Variants in NUP98 observed in about 807,000 individuals in gnomAD.
NUP98 encodes the protein nucleoporin 98 and 96 precursor.
In NUP98, 26 loss-of-function variants were observed where a neutral mutation model predicts 191.9. The observed-to-expected ratio is 0.14, with a 90% CI of 0.10 to 0.19. The LOEUF is 0.19. Ranked by LOEUF, NUP98 falls within the 10% of genes least tolerant of loss-of-function variation. The pLI is 1.00. For synonymous variants in NUP98, 808 were observed against 778.4 expected, an observed-to-expected ratio of 1.04 and a Z score of -0.63; for missense variants, 1,941 against 2,178.8, an observed-to-expected ratio of 0.89 and a Z score of 2.17.
chr11:3,709,575 T>C (rs1482420476), intron 20 of NUP98, among the ~76,000 whole-genome samples: 1 of 151,126 alleles, frequency 6.6e-6, no homozygotes, highest in Non-Finnish European at 1.5e-5. Context: ...CATGATGGCA[T>C]GCACCTGCAG....
rs1046304307 is a variant in NUP98 at position 3,679,498 on chromosome 11, A to G, written c.5073+56T>C. 7 of 1,600,186 alleles carry G rather than the reference A, an allele frequency of 4.4e-6. No homozygotes were observed. In the African/African-American group the frequency reaches 9.4e-5, roughly 21 times the overall value. On this transcript the variant is annotated intron_variant, in intron 31 of 32. Transcript: ENST00000324932. The stretch of plus-strand genomic sequence containing the variant: ...TACTAAGGCCTTGTGAGGTATCTGA[A>G]GATTTAAGGGCCTGAGAAAAGGAAA...
At chr11:3,698,675 C>T (rs757696869) in intron 25 of NUP98, among the ~76,000 whole-genome samples, 1 of 139,536 alleles carries the variant, frequency 7.2e-6, no homozygotes, top group Non-Finnish European at 1.5e-5. Flanking sequence ...TGCAGTGAGC[C>T]GAGATCGCAC....
intron 8 of NUP98, among the ~76,000 whole-genome samples, 190 bp from the exon 9 acceptor site, chr11:3,763,229 C>T (rs544336859): frequency 6.6e-6 from 1 of 152,066 alleles, no homozygotes; most frequent in African/African-American, 2.4e-5. Flanking sequence ...AAGCTCAGAG[C>T]ATTTTAAAAC....
chr11:3,735,748 A>AGTGTGTGTGTGTGTGTGT (rs71041385), intron 12 of NUP98, among the ~76,000 whole-genome samples: 5 of 140,874 alleles, frequency 3.5e-5, no homozygotes, highest in African/African-American at 1.3e-4. Flanking sequence ...CAGGGCAAGT[A>AGTGTGTGTGTGTGTGTGT]GTGTGTGTGT....
At chr11:3,723,495 A>G (rs1274006414) in intron 15 of NUP98, 40 bp from the exon 16 acceptor site, 1 of 1,548,654 alleles carries the variant, frequency 6.5e-7, no homozygotes, top group Non-Finnish European at 8.9e-7. Context: ...CTCTTGTAGT[A>G]GTAATAACAA....
chr11:3,717,780 C>T (rs2079238671), intron 18 of NUP98, among the ~76,000 whole-genome samples: 1 of 152,046 alleles, frequency 6.6e-6, no homozygotes, highest in Non-Finnish European at 1.5e-5. Flanking sequence ...TATTTGAGTG[C>T]CTTTATTATG....
intron 20 of NUP98, chr11:3,711,679 A>G (rs893659005): frequency 1.4e-5 from 3 of 220,528 alleles, no homozygotes; most frequent in Non-Finnish European, 2.5e-5. Flanking sequence ...AACCAAGTCT[A>G]TAGCATTTCA....
intron 1 of NUP98, among the ~76,000 whole-genome samples, chr11:3,786,575 AT>A (rs1394697510): frequency 6.6e-6 from 1 of 152,164 alleles, no homozygotes; most frequent in African/African-American, 2.4e-5. Flanking sequence ...AAATCTCCTA[AT>A]TAATAATTCA....
At chr11:3,766,251 T>C (rs2081335631) in intron 8 of NUP98, among the ~76,000 whole-genome samples, 1 of 152,108 alleles carries the variant, frequency 6.6e-6, no homozygotes, top group Non-Finnish European at 1.5e-5. Context: ...GGTGCACGCC[T>C]GTAGTCCCAG....
intron 14 of NUP98, among the ~76,000 whole-genome samples, chr11:3,730,203 C>G (rs1470746663): frequency 6.6e-6 from 1 of 151,914 alleles, no homozygotes; most frequent in Non-Finnish European, 1.5e-5. Flanking sequence ...CCACTGCACT[C>G]CAGCCTGGGT....
chr11:3,684,851 C>T (rs2078092444), intron 29 of NUP98, among the ~76,000 whole-genome samples: 1 of 143,366 alleles, frequency 7.0e-6, no homozygotes, highest in African/African-American at 2.6e-5. Context: ...CAAAAGTAAG[C>T]TTTACCCTAG....
intron 19 of NUP98, 113 bp from the exon 20 acceptor site, chr11:3,712,841 T>C (rs980890197): frequency 2.6e-6 from 3 of 1,142,456 alleles, no homozygotes; most frequent in Admixed American, 2.5e-5. Context: ...GGGAGAAATA[T>C]CTAAGTATTT....
chr11:3,754,016 A>G (rs958816804), intron 10 of NUP98, among the ~76,000 whole-genome samples: 1 of 152,120 alleles, frequency 6.6e-6, no homozygotes, highest in Non-Finnish European at 1.5e-5. Flanking sequence ...ATCAATATTC[A>G]AGCAAAGTGA....
intron 16 of NUP98, among the ~76,000 whole-genome samples, chr11:3,722,040 T>C (rs993231767): frequency 1.3e-5 from 2 of 150,176 alleles, no homozygotes; most frequent in Admixed American, 6.6e-5. Flanking sequence ...ATTAAAAAGA[T>C]ATATAGTAGC....
At chr11:3,794,805 G>A (rs1471329994) in intron 1 of NUP98, among the ~76,000 whole-genome samples, 5 of 152,052 alleles carry the variant, frequency 3.3e-5, no homozygotes, top group Admixed American at 3.3e-4. Context: ...GTAGAGACAG[G>A]GTTTCCCCAT....
intron 1 of NUP98, among the ~76,000 whole-genome samples, chr11:3,787,751 C>T (rs1418446367): frequency 1.3e-5 from 2 of 151,944 alleles, no homozygotes; most frequent in Admixed American, 6.6e-5. Flanking sequence ...CCCAGCACTC[C>T]GGGAAGCAGA....
At chr11:3,712,009 T>C (rs1292361739) in intron 20 of NUP98, 9 of 1,048,968 alleles carry the variant, frequency 8.6e-6, no homozygotes, top group Non-Finnish European at 1.0e-5. Flanking sequence ...ATGTAGGCCC[T>C]AATCTCCCCA....
chr11:3,754,480 C>T (rs1227699201), intron 10 of NUP98, among the ~76,000 whole-genome samples: 1 of 151,938 alleles, frequency 6.6e-6, no homozygotes, highest in Admixed American at 6.6e-5. Flanking sequence ...TTTAACTGAA[C>T]CTAAAGGTCC....
chr11:3,796,704 A>C (rs2082612885), intron 1 of NUP98, among the ~76,000 whole-genome samples: 1 of 152,200 alleles, frequency 6.6e-6, no homozygotes, highest in Non-Finnish European at 1.5e-5. Flanking sequence ...GACTGTCAAA[A>C]ATCTGGCATT....
Sources: allele counts gnomAD v4.1 joint callset (sites outside exome capture counted in the v4.1 genomes callset), GRCh38; gene constraint gnomAD v4.1.1; transcripts MANE v1.5; gene names NCBI Gene and HGNC (gene_info 2026-07-23, HGNC 2026-07-21).